Variants in PCDHA12 observed in about 807,000 individuals in gnomAD.
PCDHA12 encodes the protein protocadherin alpha-12.
Under a neutral mutation model 60.0 loss-of-function variants are expected in PCDHA12, and 44 were observed. That is an observed-to-expected ratio of 0.73 (90% CI 0.58 to 0.94). The LOEUF (loss-of-function observed/expected upper bound fraction) is 0.94, where lower values mean the gene tolerates loss of function less well. PCDHA12 is among the 40% of genes least tolerant of loss of function. The probability of loss-of-function intolerance (pLI) is 0.00; values close to 1 mark genes in which losing one functional copy is unlikely to be tolerated. For missense variants in PCDHA12, 1,276 were observed against 1,239.7 expected (o/e 1.03, Z -0.44); for synonymous variants, 569 against 553.0 (o/e 1.03, Z -0.40).
intron 1 of PCDHA12, among the ~76,000 whole-genome samples, chr5:140,916,824 T>C (rs1207821220): frequency 6.6e-6 from 1 of 152,124 alleles, no homozygotes; most frequent in Non-Finnish European, 1.5e-5. Context: ...GCCACCCCTA[T>C]CCCTCTGGTT....
At chr5:140,955,480 C>T (rs940139413) in intron 1 of PCDHA12, among the ~76,000 whole-genome samples, 3 of 152,088 alleles carry the variant, frequency 2.0e-5, no homozygotes, top group African/African-American at 7.2e-5. Flanking sequence ...GGCACCTCTC[C>T]TTCCTGCCAC....
chr5:140,884,798 A>C, intron 1 of PCDHA12: 3 of 1,275,332 alleles, frequency 2.4e-6, no homozygotes, highest in Non-Finnish European at 3.2e-6. Flanking sequence ...TATCGAATTT[A>C]ACAACTCTGC....
chr5:140,885,152 T>C (rs1182560213), intron 1 of PCDHA12, among the ~76,000 whole-genome samples: 1 of 152,206 alleles, frequency 6.6e-6, no homozygotes, highest in African/African-American at 2.4e-5. Context: ...CTGTTTTGAT[T>C]GTCTCTACTT....
intron 1 of PCDHA12, chr5:140,883,984 C>T: frequency 2.5e-6 from 4 of 1,612,818 alleles, no homozygotes. Context: ...GGGCTGGCAG[C>T]GCGGGAGGCA....
At chr5:140,946,019 C>T (rs1014072062) in intron 1 of PCDHA12, among the ~76,000 whole-genome samples, 2 of 151,732 alleles carry the variant, frequency 1.3e-5, no homozygotes, top group African/African-American at 2.4e-5. Context: ...TCCTGCGCAG[C>T]AAAGAAAACA....
intron 1 of PCDHA12, among the ~76,000 whole-genome samples, chr5:140,942,908 G>A (rs187574457): frequency 2.6e-5 from 4 of 151,726 alleles, no homozygotes; most frequent in African/African-American, 9.7e-5. Flanking sequence ...AAGAATAAGC[G>A]TGAAGAAAAA....
intron 1 of PCDHA12, among the ~76,000 whole-genome samples, chr5:140,902,390 A>G (rs1051277099): frequency 2.6e-5 from 4 of 151,960 alleles, no homozygotes; most frequent in Admixed American, 1.3e-4. Flanking sequence ...TAAGAGTACT[A>G]TGTTGAATAC....
intron 1 of PCDHA12, among the ~76,000 whole-genome samples, chr5:140,947,353 A>G (rs1041468487): frequency 4.6e-5 from 7 of 151,616 alleles, no homozygotes; most frequent in African/African-American, 1.7e-4. Context: ...TCTGGACTCT[A>G]TTTCACTCCT....
chr5:141,002,059 G>A (rs983772482), intron 3 of PCDHA12, among the ~76,000 whole-genome samples: 1 of 152,242 alleles, frequency 6.6e-6, no homozygotes, highest in Non-Finnish European at 1.5e-5. Flanking sequence ...AGAGGCAGCA[G>A]CAGCCGCCAG....
At chr5:140,931,875 T>C (rs1457456146) in intron 1 of PCDHA12, among the ~76,000 whole-genome samples, 3 of 151,982 alleles carry the variant, frequency 2.0e-5, no homozygotes, top group African/African-American at 7.2e-5. Flanking sequence ...AAAATATTTA[T>C]TGCTTTCATT....
chr5:140,986,238 A>G (rs1358537911), intron 3 of PCDHA12, among the ~76,000 whole-genome samples: 1 of 152,152 alleles, frequency 6.6e-6, no homozygotes. Context: ...CCTCTGTGTG[A>G]GCAGACCCGG....
chr5:140,968,221 T>C, intron 1 of PCDHA12: 1 of 1,613,918 alleles, frequency 6.2e-7, no homozygotes, highest in Admixed American at 1.7e-5. Context: ...ATTTGCCAGG[T>C]GTGTTGCTCT....
At chr5:140,949,963 A>G (rs1044562957) in intron 1 of PCDHA12, among the ~76,000 whole-genome samples, 1 of 151,750 alleles carries the variant, frequency 6.6e-6, no homozygotes, top group African/African-American at 2.4e-5. Context: ...TGCTGTAAGG[A>G]TTACAGCATA....
At chr5:140,965,403 T>G (rs1241477329) in intron 1 of PCDHA12, among the ~76,000 whole-genome samples, 1 of 151,946 alleles carries the variant, frequency 6.6e-6, no homozygotes, top group Admixed American at 6.6e-5. Flanking sequence ...GTCTAAGGAG[T>G]CTTATATTTA....
Position 140,876,310 on chromosome 5 carries a change from G to A in PCDHA12, c.838G>A (p.Gly280Arg). ...AGGACTTAATGGAGAAATTTCCTAT[G>A]GGATCAAAATGATTTTGCCAGTGAG... ...DEGLNGEISY[G>R]IKMILPVSEK... is the part of the protein sequence containing the mutation. Residue 280 changes from glycine (G) to arginine (R), a missense_variant, in exon 1 of 4, where the codon GGG (glycine) becomes AGG (arginine). By Grantham distance (125) the Gly-to-Arg change is moderately radical. Coordinates refer to ENST00000398631, the MANE Select transcript of PCDHA12 (RefSeq NM_018903.4). 6.2e-7 allele frequency: 1 copy of A among 1,613,982 alleles called. No individual in the cohort carries two copies.
intron 1 of PCDHA12, among the ~76,000 whole-genome samples, chr5:140,964,392 C>A (rs2095829219): frequency 6.6e-6 from 1 of 152,072 alleles, no homozygotes; most frequent in African/African-American, 2.4e-5. Flanking sequence ...GGTTTTTCTC[C>A]CAAGACATGA....
chr5:141,004,869 A>T (rs908726845), intron 3 of PCDHA12, among the ~76,000 whole-genome samples: 3 of 152,218 alleles, frequency 2.0e-5, no homozygotes, highest in Non-Finnish European at 2.9e-5. Flanking sequence ...TTTGTTTCTC[A>T]TCCCTAAAGT....
intron 1 of PCDHA12, among the ~76,000 whole-genome samples, chr5:140,939,305 C>A (rs1251046319): frequency 6.6e-6 from 1 of 152,114 alleles, no homozygotes; most frequent in Non-Finnish European, 1.5e-5. Context: ...TCTACAAAAG[C>A]CCTACCTCCT....
At chr5:140,952,180 T>C (rs1034052117) in intron 1 of PCDHA12, among the ~76,000 whole-genome samples, 4 of 151,968 alleles carry the variant, frequency 2.6e-5, no homozygotes, top group Admixed American at 2.0e-4. Context: ...CTGCAGCTGC[T>C]CTCATGGGTT....
Sources: allele counts gnomAD v4.1 joint callset (sites outside exome capture counted in the v4.1 genomes callset), GRCh38; gene constraint gnomAD v4.1.1; transcripts MANE v1.5; gene names NCBI Gene and HGNC (gene_info 2026-07-23, HGNC 2026-07-21).